BORCS5: variants seen among roughly 807,000 people sequenced by gnomAD.
BORCS5 encodes BLOC-1 related complex subunit 5.
A neutral mutation model predicts 22.1 loss-of-function variants in BORCS5; 17 were observed. That is an observed-to-expected ratio of 0.77 (90% CI 0.53 to 1.15). The LOEUF (loss-of-function observed/expected upper bound fraction) is 1.15, where lower values mean the gene tolerates loss of function less well. Ranked by LOEUF, BORCS5 falls within the 50% of genes most tolerant of loss-of-function variation. BORCS5 has a pLI of 0.00. For missense variants in BORCS5, 247 were observed against 253.2 expected (o/e 0.98, Z 0.17); for synonymous variants, 117 against 99.8 (o/e 1.17, Z -1.03).
chr12:12,436,684 C>T (rs977058295), intron 3 of BORCS5, among the ~76,000 whole-genome samples: 1 of 152,172 alleles, frequency 6.6e-6, no homozygotes, highest in Non-Finnish European at 1.5e-5. Flanking sequence ...AGAATCACTG[C>T]AGATTAACAA....
rs968977338 is a variant in BORCS5, at chr12:12,466,445, A to C, written c.*669A>C. The C allele has an allele frequency of 9.2e-5, 14 of 152,336 alleles. No homozygotes were observed. The highest frequency in any genetic ancestry group is 3.1e-4 in the African/African-American group (13 of 41,558). The allele number at this position is 152,336 out of a possible 1,614,324, so 9.4% of individuals were successfully genotyped here. On this transcript the variant is annotated 3_prime_UTR_variant, in exon 4 of 4. Transcript: ENST00000314565. ...GATAACCGGTTTCCTTGATGCAGAC[A>C]TAGTTTAGCTTTCTTTGACTGCAGA...
intron 2 of BORCS5, among the ~76,000 whole-genome samples, chr12:12,365,636 C>T (rs751240768): frequency 1.1e-4 from 16 of 151,326 alleles, no homozygotes; most frequent in Non-Finnish European, 2.1e-4. Context: ...AGGTGATGCT[C>T]ATGTTTCACT....
At chr12:12,371,126 T>C (rs1863519243) in intron 2 of BORCS5, among the ~76,000 whole-genome samples, 1 of 152,174 alleles carries the variant, frequency 6.6e-6, no homozygotes, top group African/African-American at 2.4e-5. Context: ...GTTCCAGACT[T>C]ATTTTGTTCT....
intron 2 of BORCS5, among the ~76,000 whole-genome samples, chr12:12,395,582 C>T (rs948182029): frequency 4.0e-5 from 6 of 151,698 alleles, no homozygotes; most frequent in Non-Finnish European, 8.8e-5. Flanking sequence ...CTACCATGCC[C>T]GGCAAGGTGG....
At chr12:12,413,903 T>C (rs1592101422) in intron 2 of BORCS5, among the ~76,000 whole-genome samples, 1 of 50,692 alleles carries the variant, frequency 2.0e-5, no homozygotes, top group Non-Finnish European at 3.8e-5. Flanking sequence ...CCCACCTCCC[T>C]CCCGGACTGG....
chr12:12,363,163 G>A (rs1481789075), intron 2 of BORCS5, among the ~76,000 whole-genome samples: 1 of 151,878 alleles, frequency 6.6e-6, no homozygotes. Context: ...CAGGCATGGT[G>A]GCACATACCT....
chr12:12,373,642 A>G (rs3884064), intron 2 of BORCS5, among the ~76,000 whole-genome samples: 31,419 of 152,158 alleles, frequency 0.21, 7,381 homozygotes, highest in African/African-American at 0.58. Flanking sequence ...CCTCCTGCCA[A>G]CAGCCTTTAA....
At chr12:12,416,516 T>G (rs1270822462) in intron 2 of BORCS5, among the ~76,000 whole-genome samples, 4 of 152,078 alleles carry the variant, frequency 2.6e-5, no homozygotes, top group Non-Finnish European at 5.9e-5. Context: ...CAATCATAGC[T>G]CATTGTAGCC....
At chr12:12,409,732 T>C (rs1158628933) in intron 2 of BORCS5, among the ~76,000 whole-genome samples, 1 of 152,174 alleles carries the variant, frequency 6.6e-6, no homozygotes, top group African/African-American at 2.4e-5. Context: ...TATAATCCTT[T>C]GGGTATATAC....
chr12:12,470,739 A>G lies in BORCS5; in HGVS notation c.*4963A>G, dbSNP rs1943284293. Among the ~76,000 whole-genome samples the G allele has an allele frequency of 6.6e-6, 1 of 151,752 alleles. No homozygotes were observed. The highest frequency in any genetic ancestry group is 2.4e-5 in the African/African-American group (1 of 41,284). On this transcript the variant is annotated 3_prime_UTR_variant, in exon 4 of 4. Transcript: ENST00000314565. ...TCAAATGCTATGGCTACAGAGGGAA[A>G]GGGTAGCCAGATAATTATCCACATG...
In BORCS5 at chr12:12,375,204, T is replaced by C. The variant is rs7966625; in HGVS notation, c.202+13855T>C. Among the ~76,000 whole-genome samples, 1,072 of 152,116 alleles carry C rather than the reference T, an allele frequency of 7.0e-3. 12 individuals carry two copies. The highest frequency in any genetic ancestry group is 0.027 in the Middle Eastern group (8 of 294). On this transcript the variant is annotated intron_variant, in intron 2 of 3. Transcript: ENST00000314565. ...TTTTTGTATTTTTTTATAGAGACAATGTTTTACCATGTTGGCCAAGCTGGT... is the reference window on the plus strand; with the variant it reads ...TTTTTGTATTTTTTTATAGAGACAACGTTTTACCATGTTGGCCAAGCTGGT...
intron 3 of BORCS5, among the ~76,000 whole-genome samples, chr12:12,464,323 C>T (rs900320412): frequency 6.6e-6 from 1 of 152,130 alleles, no homozygotes; most frequent in Non-Finnish European, 1.5e-5. Context: ...GGTCGCCTCC[C>T]GCCCCTCCTG....
intron 2 of BORCS5, among the ~76,000 whole-genome samples, chr12:12,368,688 C>T (rs1015799260): frequency 9.2e-5 from 14 of 151,838 alleles, no homozygotes; most frequent in African/African-American, 1.7e-4. Context: ...AAGCAGACCT[C>T]CCATCCTGGC....
intron 2 of BORCS5, among the ~76,000 whole-genome samples, chr12:12,408,941 T>C (rs1749447015): frequency 6.6e-6 from 1 of 152,202 alleles, no homozygotes; most frequent in Non-Finnish European, 1.5e-5. Context: ...TTGATTCTTT[T>C]GGGTATATAC....
intron 1 of BORCS5, among the ~76,000 whole-genome samples, chr12:12,358,493 A>T (rs189425357): frequency 3.6e-4 from 55 of 152,348 alleles, no homozygotes; most frequent in African/African-American, 1.3e-3. Context: ...GAAGGGCCAG[A>T]GTGTCATATC....
intron 2 of BORCS5, among the ~76,000 whole-genome samples, chr12:12,420,635 C>T (rs1459539113): frequency 1.3e-5 from 2 of 152,162 alleles, no homozygotes; most frequent in African/African-American, 4.8e-5. Context: ...TTACTTTGGG[C>T]AGTATGGCCA....
At chr12:12,407,997 C>T (rs1466020723) in intron 2 of BORCS5, among the ~76,000 whole-genome samples, 1 of 152,174 alleles carries the variant, frequency 6.6e-6, no homozygotes, top group African/African-American at 2.4e-5. Context: ...GTGTGAGCCA[C>T]CGCGCCTGGC....
At position 12,361,339 on chromosome 12, in the gene BORCS5, C is replaced by A. The variant is rs770786823; in HGVS notation, c.192C>A (p.Pro64=). 6.2e-7 allele frequency: 1 copy of A among 1,614,002 alleles called. No individual in the cohort carries two copies. The highest frequency in any genetic ancestry group is 1.7e-5 in the Admixed American group (1 of 60,014). Residue 64 remains proline, a synonymous_variant, in exon 2 of 4, where the codon CCC becomes CCA. Transcript: ENST00000314565. ...IKLQEIPTFQ[P]LLKGLLSGQT... The stretch of plus-strand genomic sequence containing the variant: ...TGCAAGAGATTCCAACCTTCCAGCC[C>A]CTTTTGAAAGGTAAAGGATTGCGTT...
intron 2 of BORCS5, among the ~76,000 whole-genome samples, chr12:12,425,370 C>A (rs1006539178): frequency 6.6e-6 from 1 of 152,136 alleles, no homozygotes; most frequent in Non-Finnish European, 1.5e-5. Flanking sequence ...TGCTTCCTAC[C>A]ACAGTCTTCC....
Sources: allele counts gnomAD v4.1 joint callset (sites outside exome capture counted in the v4.1 genomes callset), GRCh38; gene constraint gnomAD v4.1.1; transcripts MANE v1.5; gene names NCBI Gene and HGNC (gene_info 2026-07-23, HGNC 2026-07-21).